IPO9: variants seen among roughly 807,000 people sequenced by gnomAD.
IPO9 encodes importin-9.
Under a neutral mutation model 128.6 loss-of-function variants are expected in IPO9, and 28 were observed. The observed-to-expected ratio is 0.22, with a 90% confidence interval of 0.16 to 0.30. The LOEUF is 0.30. Among genes scored for constraint, IPO9 ranks in the 10% least tolerant of loss-of-function variants. IPO9 has a pLI of 1.00. For synonymous variants in IPO9, 455 were observed against 475.8 expected (o/e 0.96, Z 0.57); for missense variants, 935 against 1,293.9 (o/e 0.72, Z 4.26).
chr1:201,880,778 T>C lies in IPO9; in HGVS notation c.*4724T>C, dbSNP rs1160484893. ...GGTTTGACTTCCAGTTTTTCAACTT[T>C]AGGATTGTGCAAAAGCTATACACAT... is the stretch of plus-strand genomic sequence containing the variant. On this transcript the variant is annotated 3_prime_UTR_variant, in exon 24 of 24. Transcript: ENST00000361565. 1.3e-5 allele frequency: 2 copies of C among 152,234 alleles called. No individual in the cohort carries two copies. Among genetic ancestry groups the C allele is most frequent in the Non-Finnish European group, 2.9e-5 (2 of 68,040 alleles). 9.4% of individuals were successfully genotyped at this position (152,234 alleles called of 1,614,324 possible). A position where few individuals can be genotyped will look rare whatever the true frequency, so the allele number is the denominator to read the frequency against.
At position 201,883,134 on chromosome 1, in the gene IPO9, CAT is replaced by C. The variant is rs1680919169; in HGVS notation, c.*7082_*7083del. On this transcript the variant is annotated 3_prime_UTR_variant, in exon 24 of 24. Transcript: ENST00000361565. ...AGTTTTTCTGTGGTTAGCTGTGTGACATAAACTATCGGTGTATTAATTTGCTT... is the reference window on the plus strand; with the variant it reads ...AGTTTTTCTGTGGTTAGCTGTGTGACAAACTATCGGTGTATTAATTTGCTT... 6.6e-6 allele frequency: 1 copy of C among 150,712 alleles called. No individual in the cohort carries two copies. Among genetic ancestry groups the C allele is most frequent in the African/African-American group, 2.4e-5 (1 of 40,904 alleles). 9.3% of individuals were successfully genotyped at this position (150,712 alleles called of 1,614,324 possible). A position where few individuals can be genotyped will look rare whatever the true frequency, so the allele number is the denominator to read the frequency against.
At chr1:201,873,330 A>T (rs1038143729) in intron 20 of IPO9, among the ~76,000 whole-genome samples, 1 of 151,626 alleles carries the variant, frequency 6.6e-6, no homozygotes, top group Non-Finnish European at 1.5e-5. Context: ...CTGTAATCCC[A>T]GCTACTTGGG....
rs1680718271 is a variant in IPO9 at position 201,874,332 on chromosome 1, T to A, written c.2793T>A (p.Ala931=). The change falls in exon 21 of 24, where the codon GCT becomes GCA. Residue 931 remains alanine, a synonymous_variant. Transcript: ENST00000361565. ...IINELSNVME[A]NAARQATPAE... is the part of the protein sequence containing the mutation. ...ACGAGCTCTCCAACGTCATGGAGGC[T>A]AATGCCGCTCGCCAGGCCACTCCTG... 1 of 1,613,974 alleles carries A rather than the reference T, an allele frequency of 6.2e-7. No homozygotes were observed.
intron 15 of IPO9, among the ~76,000 whole-genome samples, chr1:201,867,833 G>A (rs962723314): frequency 6.6e-6 from 1 of 152,040 alleles, no homozygotes; most frequent in East Asian, 1.9e-4. Flanking sequence ...GTGATATACT[G>A]AACATGTTAT....
intron 5 of IPO9, 68 bp downstream of exon 5, chr1:201,852,260 G>A (rs146045789): frequency 4.7e-5 from 46 of 983,156 alleles, no homozygotes; most frequent in Non-Finnish European, 6.7e-5. Flanking sequence ...TTTCAGGTGG[G>A]AGATTATGGT....
At chr1:201,868,144 C>T (rs1211159283) in intron 15 of IPO9, among the ~76,000 whole-genome samples, 1 of 152,138 alleles carries the variant, frequency 6.6e-6, no homozygotes, top group Non-Finnish European at 1.5e-5. Context: ...TCATAAGGCT[C>T]TGCTTTTTAG....
chr1:201,860,359 A>G (rs1278824777), intron 13 of IPO9, among the ~76,000 whole-genome samples: 1 of 152,206 alleles, frequency 6.6e-6, no homozygotes, highest in Non-Finnish European at 1.5e-5. Flanking sequence ...CGTTGGGAAT[A>G]TCCTGTTTCA....
At chr1:201,873,911 A>G (rs1461861080) in intron 20 of IPO9, among the ~76,000 whole-genome samples, 2 of 152,192 alleles carry the variant, frequency 1.3e-5, no homozygotes, top group African/African-American at 4.8e-5. Flanking sequence ...GCTATCTTTA[A>G]TGTAGATTTA....
At chr1:201,862,651 A>C (rs568070868) in intron 13 of IPO9, among the ~76,000 whole-genome samples, 1 of 151,352 alleles carries the variant, frequency 6.6e-6, no homozygotes, top group East Asian at 2.0e-4. Context: ...TACTAAAAAT[A>C]CAAAATTAGC....
chr1:201,858,589 GT>G, intron 12 of IPO9, 36 bp downstream of exon 12: 1 of 1,208,880 alleles, frequency 8.3e-7, no homozygotes, highest in Non-Finnish European at 1.2e-6. Context: ...AGATGCTTTT[GT>G]TTACCCCTTC....
At position 201,881,627 on chromosome 1, in the gene IPO9, A is replaced by T. The variant is rs1680884949; in HGVS notation, c.*5573A>T. ...GGCAGATTGTGAAGGATCCTTCAAG[A>T]CCTGCTTCCTCTAGAGAATGGGAGA... On this transcript the variant is annotated 3_prime_UTR_variant, in exon 24 of 24. Coordinates refer to ENST00000361565, the MANE Select transcript of IPO9 (RefSeq NM_018085.5). 6.6e-6 allele frequency: 1 copy of T among 152,234 alleles called. No homozygotes were observed. The highest frequency in any genetic ancestry group is 2.4e-5 in the African/African-American group (1 of 41,464). The allele number at this position is 152,234 out of a possible 1,614,324, so 9.4% of individuals were successfully genotyped here.
rs1047846143 is a variant in IPO9 at position 201,878,333 on chromosome 1, T to C, written c.*2279T>C. 3.3e-5 allele frequency: 5 copies of C among 152,662 alleles called. No individual in the cohort carries two copies. The highest frequency in any genetic ancestry group is 7.3e-5 in the Non-Finnish European group (5 of 68,058). 9.5% of individuals were successfully genotyped at this position (152,662 alleles called of 1,614,324 possible). A position where few individuals can be genotyped will look rare whatever the true frequency, so the allele number is the denominator to read the frequency against. On this transcript the variant is annotated 3_prime_UTR_variant, in exon 24 of 24. Coordinates refer to ENST00000361565, the MANE Select transcript of IPO9 (RefSeq NM_018085.5). ...CATAAGGCCAAGTCAGCCTCTGATA[T>C]TGGCACAAAAGAATGGTCTCATGCC...
chr1:201,845,268 C>T (rs1680106528), intron 1 of IPO9, among the ~76,000 whole-genome samples: 1 of 152,190 alleles, frequency 6.6e-6, no homozygotes, highest in South Asian at 2.1e-4. Flanking sequence ...CGCCCACTCC[C>T]ACCTCTCAAA....
At chr1:201,847,703 A>T in intron 3 of IPO9, 65 bp downstream of exon 3, 1 of 1,134,056 alleles carries the variant, frequency 8.8e-7, no homozygotes, top group East Asian at 2.4e-5. Flanking sequence ...AGATTAGACT[A>T]TAACATTCTT....
In IPO9 at chr1:201,861,039, G is replaced by A. The variant is rs546292767; in HGVS notation, c.1468+2045G>A. Among the ~76,000 whole-genome samples, 88 of 152,266 alleles carry A rather than the reference G, an allele frequency of 5.8e-4. 1 individual carries two copies. Among genetic ancestry groups the A allele is most frequent in the South Asian group, 4.1e-3 (20 of 4,820 alleles). On this transcript the variant is annotated intron_variant, in intron 13 of 23. Transcript: ENST00000361565. ...AAATTAGCTGGGCGTGGTGGCACGC[G>A]TCTGTAATCCCAGCTACTCAGGAGG...
rs1680762250 is a variant in IPO9 at position 201,876,309 on chromosome 1, C to G, written c.*255C>G. 2 of 594,752 alleles carry G rather than the reference C, an allele frequency of 3.4e-6. No individual in the cohort carries two copies. The highest frequency in any genetic ancestry group is 6.2e-6 in the Non-Finnish European group (2 of 321,248). 36.8% of individuals were successfully genotyped at this position (594,752 alleles called of 1,614,324 possible). On this transcript the variant is annotated 3_prime_UTR_variant, in exon 24 of 24. Transcript: ENST00000361565. ...TCTAGAACCTTTTTTCTCCCCGACT[C>G]TACCCCCACCTCTGTTCCTAGAGCC...
At chr1:201,859,193 A>ATATATATATATATG in intron 13 of IPO9, among the ~76,000 whole-genome samples, 199 bp downstream of exon 13, 1 of 138,778 alleles carries the variant, frequency 7.2e-6, no homozygotes, top group African/African-American at 2.8e-5. Flanking sequence ...ATATATATAT[A>ATATATATATATATG]TATATATATA....
intron 11 of IPO9, among the ~76,000 whole-genome samples, chr1:201,858,114 T>C (rs1299154870): frequency 2.0e-5 from 3 of 152,234 alleles, no homozygotes; most frequent in Admixed American, 6.5e-5. Flanking sequence ...ATTAGACTTA[T>C]TTTTCTATCA....
intron 1 of IPO9, among the ~76,000 whole-genome samples, chr1:201,834,186 G>T (rs935932712): frequency 3.8e-4 from 5 of 13,192 alleles, no homozygotes; most frequent in Non-Finnish European, 7.9e-4. Context: ...TTATTCGTTA[G>T]AGTAAAAAAA....
Sources: gnomAD v4.1 joint callset for allele counts (sites outside exome capture counted in the v4.1 genomes callset) on GRCh38, gnomAD v4.1.1 for gene constraint, MANE v1.5 for transcripts, NCBI Gene and HGNC (gene_info 2026-07-23, HGNC 2026-07-21) for gene names.